SLC38A3: variants seen among roughly 807,000 people sequenced by gnomAD.
SLC38A3 encodes the protein solute carrier family 38 member 3, also known as sodium-coupled neutral amino acid transporter 3.
Under a neutral mutation model 59.5 loss-of-function variants are expected in SLC38A3, and 17 were observed. That is an observed-to-expected ratio of 0.29 (90% CI 0.20 to 0.43). SLC38A3 has a LOEUF of 0.43. SLC38A3 is among the 20% of genes least tolerant of loss of function. SLC38A3 has a pLI of 1.00. For synonymous variants in SLC38A3, 238 were observed against 260.3 expected (o/e 0.91, Z 0.82); for missense variants, 454 against 653.9 (o/e 0.69, Z 3.33).
chr3:50,219,435 G>T (rs587749093), intron 14 of SLC38A3, among the ~76,000 whole-genome samples: 14 of 152,316 alleles, frequency 9.2e-5, no homozygotes, highest in African/African-American at 3.4e-4. Context: ...AACAAACTCT[G>T]CCAGGACTGA....
In SLC38A3 at chr3:50,217,005, C is replaced by A. The variant is rs1287518437; in HGVS notation, c.549-233C>A. 6.6e-6 allele frequency among the ~76,000 whole-genome samples: 1 copy of A among 152,178 alleles called. No individual in the cohort carries two copies. The highest frequency in any genetic ancestry group is 1.5e-5 in the Non-Finnish European group (1 of 68,018). ...GGTCAGGCTGGTCTCGAACTCCTGA[C>A]CTGATGATCCACCCACCTCAGCCTC... On this transcript the variant is annotated intron_variant, in intron 7 of 15. Transcript: ENST00000614032. This position sits in a 1 kb window ranked among gnomAD's most constrained non-coding sequence, Gnocchi z 4.9.
chr3:50,213,312 T>C (rs1403683834), intron 1 of SLC38A3, among the ~76,000 whole-genome samples: 1 of 151,922 alleles, frequency 6.6e-6, no homozygotes, highest in Non-Finnish European at 1.5e-5. Context: ...GGTTGGGGGT[T>C]CCCTGCCTGG....
At chr3:50,206,529 A>G (rs1445291772) in intron 1 of SLC38A3, among the ~76,000 whole-genome samples, 3 of 152,256 alleles carry the variant, frequency 2.0e-5, no homozygotes, top group Non-Finnish European at 2.9e-5. Context: ...AGAAAGCTAA[A>G]GAGACCCAAA....
In SLC38A3 at chr3:50,218,583, C is replaced by G. The variant is rs767996481; in HGVS notation, c.1037-10C>G. On this transcript the variant is annotated splice_polypyrimidine_tract_variant and intron_variant, in intron 12 of 15. Transcript: ENST00000614032. The surrounding 1 kb of genome is among the most constrained non-coding windows in gnomAD (Gnocchi z 5.8). ...GGCCACCTACTGACCACCCTCCCTG[C>G]CTGCCACAGACGGGGTGGAGTCGGA... 3.5e-5 allele frequency: 56 copies of G among 1,610,752 alleles called. No homozygotes were observed. Among genetic ancestry groups the G allele is most frequent in the Non-Finnish European group, 3.8e-5 (45 of 1,178,472 alleles).
Position 50,217,511 on chromosome 3 carries a change from C to T in SLC38A3, c.690+38C>T, listed in dbSNP as rs748981637. ...CCATGTTGGCTGAGAAAGCGGGCAG[C>T]GGGTCTCCTGGGGGAGTTCCCTGTC... is the stretch of plus-strand genomic sequence containing the variant. On this transcript the variant is annotated intron_variant, in intron 9 of 15. Transcript: ENST00000614032. This position sits in a 1 kb window ranked among gnomAD's most constrained non-coding sequence, Gnocchi z 4.9. 18 of 1,604,680 alleles carry T rather than the reference C, an allele frequency of 1.1e-5. No individual in the cohort carries two copies. Among genetic ancestry groups the T allele is most frequent in the Middle Eastern group, 1.7e-4 (1 of 5,742 alleles).
chr3:50,218,374 C>T lies in SLC38A3; in HGVS notation c.1036+4C>T, dbSNP rs373399112. 8.8e-6 allele frequency: 14 copies of T among 1,588,986 alleles called. No individual in the cohort carries two copies. Among genetic ancestry groups the T allele is most frequent in the East Asian group, 6.7e-5 (3 of 44,764 alleles). On this transcript the variant is annotated splice_donor_region_variant and intron_variant, in intron 12 of 15. Coordinates refer to ENST00000614032, the MANE Select transcript of SLC38A3 (RefSeq NM_006841.6). The surrounding 1 kb of genome is among the most constrained non-coding windows in gnomAD (Gnocchi z 5.8). ...TTCGGCTACCTCACCTTCTACAGTA[C>T]GGTGGCACCGGTGGGCAGAGGCCTA...
Position 50,220,053 on chromosome 3 carries a change from C to A in SLC38A3, c.1411-20C>A. ...GAACTGCCCTGACCTCGGACCTGACCCTGACTTCTGATTCCACAGGCCCTG... is the reference window on the plus strand; with the variant it reads ...GAACTGCCCTGACCTCGGACCTGACACTGACTTCTGATTCCACAGGCCCTG... On this transcript the variant is annotated intron_variant, in intron 15 of 15. Transcript: ENST00000614032. The A allele has an allele frequency of 6.2e-7, 1 of 1,603,090 alleles. No individual in the cohort carries two copies. The highest frequency in any genetic ancestry group is 8.5e-7 in the Non-Finnish European group (1 of 1,174,186).
Position 50,220,057 on chromosome 3 carries a change from A to G in SLC38A3, c.1411-16A>G. 2 of 1,603,278 alleles carry G rather than the reference A, an allele frequency of 1.2e-6. No homozygotes were observed. The highest frequency in any genetic ancestry group is 1.7e-6 in the Non-Finnish European group (2 of 1,174,352). On this transcript the variant is annotated splice_polypyrimidine_tract_variant and intron_variant, in intron 15 of 15. Coordinates refer to ENST00000614032, the MANE Select transcript of SLC38A3 (RefSeq NM_006841.6). ...TGCCCTGACCTCGGACCTGACCCTG[A>G]CTTCTGATTCCACAGGCCCTGTGTT... is the stretch of plus-strand genomic sequence containing the variant.
At position 50,217,333 on chromosome 3, in the gene SLC38A3, G is replaced by C; in HGVS notation, c.631+13G>C. 1 of 1,612,922 alleles carries C rather than the reference G, an allele frequency of 6.2e-7. No homozygotes were observed. Among genetic ancestry groups the C allele is most frequent in the Non-Finnish European group, 8.5e-7 (1 of 1,179,322 alleles). On this transcript the variant is annotated intron_variant, in intron 8 of 15. Transcript: ENST00000614032. This position sits in a 1 kb window ranked among gnomAD's most constrained non-coding sequence, Gnocchi z 4.9. ...ATGCGGCAGCTTGGTGAGTGTGGAA[G>C]GGTCAGAGCCTTGGAGGGGATGTTG...
In SLC38A3 at chr3:50,214,727, A is replaced by G. The variant is rs753793719; in HGVS notation, c.258A>G (p.Gly86=). The change falls in exon 4 of 16, where the codon GGA becomes GGG. Residue 86 remains glycine (G), a synonymous_variant. Coordinates refer to ENST00000614032, the MANE Select transcript of SLC38A3 (RefSeq NM_006841.6). The surrounding 1 kb of genome is among the most constrained non-coding windows in gnomAD (Gnocchi z 6.0). Reference sequence around the variant, plus strand: ...CCATCATGGGCAGCGGCATCCTGGGACTCGCCTATGCCATGGCCAATACGG... The same window carrying G: ...CCATCATGGGCAGCGGCATCCTGGGGCTCGCCTATGCCATGGCCAATACGG... The part of the protein sequence containing the change: ...SNAIMGSGIL[G]LAYAMANTGI... 1.9e-6 allele frequency: 3 copies of G among 1,613,262 alleles called. No homozygotes were observed. In the Admixed American group the frequency reaches 5.0e-5, roughly 27 times the overall value.
chr3:50,215,182 T>C lies in SLC38A3; in HGVS notation c.300-204T>C, dbSNP rs587740823. On this transcript the variant is annotated intron_variant, in intron 4 of 15. Coordinates refer to ENST00000614032, the MANE Select transcript of SLC38A3 (RefSeq NM_006841.6). The surrounding 1 kb of genome is among the most constrained non-coding windows in gnomAD (Gnocchi z 7.1). ...GACACTCTTGACCCAGAGGGCCCCT[T>C]CTGGGGTGTGTCGCACCCTGGATCA... The C allele has an allele frequency of 4.7e-5, 28 of 598,258 alleles. No individual in the cohort carries two copies. The highest frequency in any genetic ancestry group is 3.8e-4 in the Admixed American group (13 of 34,018). The allele number at this position is 598,258 out of a possible 1,614,324, so 37.1% of individuals were successfully genotyped here.
Position 50,214,848 on chromosome 3 carries a change from C to A in SLC38A3, c.299+80C>A. On this transcript the variant is annotated intron_variant, in intron 4 of 15. Coordinates refer to ENST00000614032, the MANE Select transcript of SLC38A3 (RefSeq NM_006841.6). This position sits in a 1 kb window ranked among gnomAD's most constrained non-coding sequence, Gnocchi z 6.0. ...CATGACCTCCCAGGACCCGCCAGTT[C>A]CCTGTCCCAGCATCCAGGCTGCAGT... 1.1e-6 allele frequency: 1 copy of A among 914,524 alleles called. No homozygotes were observed. Among genetic ancestry groups the A allele is most frequent in the East Asian group, 2.6e-5 (1 of 38,172 alleles). 56.7% of individuals were successfully genotyped at this position (914,524 alleles called of 1,614,324 possible).
At chr3:50,213,910 G>T (rs1372840493) in intron 1 of SLC38A3, among the ~76,000 whole-genome samples, 3 of 152,200 alleles carry the variant, frequency 2.0e-5, no homozygotes, top group African/African-American at 7.2e-5. Context: ...GGACGGGTGT[G>T]CATGTAAGAA....
rs760149741 is a variant in SLC38A3 at position 50,218,689 on chromosome 3, C to T, written c.1133C>T (p.Thr378Met). ...CVRVAVLTAVTLTVPIVLFPV... is the reference protein window; with the variant it reads ...CVRVAVLTAVMLTVPIVLFPV... ...CGCGTGGCCGTGCTGACAGCAGTCA[C>T]GCTCACAGTGCCCATCGTTCTGTTC... is the stretch of plus-strand genomic sequence containing the variant. Residue 378 changes from threonine (T) to methionine (M), a missense_variant, in exon 13 of 16, where the codon ACG (threonine) becomes ATG (methionine). Transcript: ENST00000614032. This position sits in a 1 kb window ranked among gnomAD's most constrained non-coding sequence, Gnocchi z 5.8. 1.4e-5 allele frequency: 23 copies of T among 1,612,590 alleles called. No homozygotes were observed. Among genetic ancestry groups the T allele is most frequent in the Admixed American group, 5.0e-5 (3 of 60,012 alleles).
chr3:50,218,925 TC>T lies in SLC38A3; in HGVS notation c.1285del (p.Leu429TrpfsTer53). 6.2e-7 allele frequency: 1 copy of T among 1,612,310 alleles called. No homozygotes were observed. ...CTGCTGGTCATCTTTGCCCCCAACATCCTGGGCATCTTTGGGGTCATCGGTG... is the reference window on the plus strand; with the variant it reads ...CTGCTGGTCATCTTTGCCCCCAACATCTGGGCATCTTTGGGGTCATCGGTG... ...INLLVIFAPNILGIFGVIGAT... is the reference protein window; with the variant it reads ...INLLVIFAPNXLGIFGVIGAT... On this transcript the variant is annotated frameshift_variant, in exon 14 of 16. Coordinates refer to ENST00000614032, the MANE Select transcript of SLC38A3 (RefSeq NM_006841.6). LOFTEE classifies it high-confidence loss of function. The surrounding 1 kb of genome is among the most constrained non-coding windows in gnomAD (Gnocchi z 5.8).
At chr3:50,212,299 C>CAGGGCAGGGGGCCGAGAG (rs1211491035) in intron 1 of SLC38A3, among the ~76,000 whole-genome samples, 1 of 152,170 alleles carries the variant, frequency 6.6e-6, no homozygotes, top group Non-Finnish European at 1.5e-5. Context: ...CCAGCCTGCC[C>CAGGGCAGGGGGCCGAGAG]AGGGCAGGGG....
intron 1 of SLC38A3, among the ~76,000 whole-genome samples, chr3:50,210,640 C>T (rs1699711409): frequency 6.6e-6 from 1 of 152,202 alleles, no homozygotes; most frequent in South Asian, 2.1e-4. Flanking sequence ...TCCTGGGGCT[C>T]AAAATCTTTA....
chr3:50,218,586 GCC>G lies in SLC38A3; in HGVS notation c.1037-6_1037-5del, dbSNP rs776267566. On this transcript the variant is annotated splice_polypyrimidine_tract_variant and splice_region_variant and intron_variant, in intron 12 of 15. Transcript: ENST00000614032. The surrounding 1 kb of genome is among the most constrained non-coding windows in gnomAD (Gnocchi z 5.8). The stretch of plus-strand genomic sequence containing the variant: ...CACCTACTGACCACCCTCCCTGCCT[GCC>G]ACAGACGGGGTGGAGTCGGAGCTGC... 7 of 1,611,174 alleles carry G rather than the reference GCC, an allele frequency of 4.3e-6. No individual in the cohort carries two copies. In the African/African-American group the frequency reaches 9.3e-5, roughly 22 times the overall value.
At position 50,217,615 on chromosome 3, in the gene SLC38A3, G is replaced by C; in HGVS notation, c.691-61G>C. ...AGTCCTGATCTAGATGTGGCTTCAT[G>C]GTGACTTCCCAGGCAGTCCAGCCTG... On this transcript the variant is annotated intron_variant, in intron 9 of 15. Transcript: ENST00000614032. The surrounding 1 kb of genome is among the most constrained non-coding windows in gnomAD (Gnocchi z 4.9). 1 of 1,599,048 alleles carries C rather than the reference G, an allele frequency of 6.3e-7. No homozygotes were observed. Among genetic ancestry groups the C allele is most frequent in the Non-Finnish European group, 8.5e-7 (1 of 1,170,128 alleles).
Sources: gnomAD v4.1 joint callset for allele counts (sites outside exome capture counted in the v4.1 genomes callset) on GRCh38, gnomAD v4.1.1 for gene constraint, Gnocchi (gnomAD v3.1) non-coding constraint, MANE v1.5 for transcripts, NCBI Gene and HGNC (gene_info 2026-07-23, HGNC 2026-07-21) for gene names.